The following PAX5 variants were observed in gnomAD, a reference collection of about 807,000 sequenced individuals.
The protein encoded by PAX5 is paired box 5.
A neutral mutation model predicts 43.7 loss-of-function variants in PAX5; 9 were observed. The ratio of observed to expected loss-of-function variants is 0.21; its 90% CI spans 0.12 to 0.36. The LOEUF is 0.36. Among genes scored for constraint, PAX5 ranks in the 10% least tolerant of loss-of-function variants. PAX5 has a pLI of 1.00. For synonymous variants in PAX5, 228 were observed against 214.3 expected (o/e 1.06, Z -0.56); for missense variants, 383 against 532.7 (o/e 0.72, Z 2.77).
intron 5 of PAX5, 44 bp from the exon 6 acceptor site, chr9:36,966,768 C>A (rs575051854): frequency 1.9e-6 from 3 of 1,573,964 alleles, no homozygotes; most frequent in African/African-American, 2.7e-5. Context: ...AGGTTATACA[C>A]GTTGCTAAAG....
intron 5 of PAX5, among the ~76,000 whole-genome samples, chr9:36,979,041 A>C (rs1288421555): frequency 6.6e-6 from 1 of 152,184 alleles, no homozygotes; most frequent in Non-Finnish European, 1.5e-5. Context: ...AGTTAATCTC[A>C]CTGTCCACTG....
In PAX5 at chr9:36,839,834, C is replaced by T. The variant is rs920666316; in HGVS notation, c.*726G>A. 5 of 233,584 alleles carry T rather than the reference C, an allele frequency of 2.1e-5. 1 individual carries two copies. Among genetic ancestry groups the T allele is most frequent in the South Asian group, 3.6e-4 (2 of 5,542 alleles). The allele number at this position is 233,584 out of a possible 1,614,324, so 14.5% of individuals were successfully genotyped here. A position where few individuals can be genotyped will look rare whatever the true frequency, so the allele number is the denominator to read the frequency against. On this transcript the variant is annotated 3_prime_UTR_variant, in exon 10 of 10. Coordinates refer to ENST00000358127, the MANE Select transcript of PAX5 (RefSeq NM_016734.3). ...TGGAAAAGAGCTGCTGATACTGCAT[C>T]GGTCCCAGAGAAATGGAGGCAGGAA...
At chr9:36,960,664 C>A (rs1238725953) in intron 6 of PAX5, among the ~76,000 whole-genome samples, 1 of 152,218 alleles carries the variant, frequency 6.6e-6, no homozygotes, top group Non-Finnish European at 1.5e-5. Context: ...ATCCCGGGCT[C>A]TGGGACACAC....
chr9:36,946,078 G>GAGTGCTCCGTCAGGATGC (rs1413887163), intron 6 of PAX5, among the ~76,000 whole-genome samples: 2 of 152,084 alleles, frequency 1.3e-5, no homozygotes, highest in African/African-American at 4.8e-5. Context: ...ACTCCCTGAG[G>GAGTGCTCCGTCAGGATGC]AGTGCTCCGT....
At chr9:36,903,411 A>AT (rs929012771) in intron 7 of PAX5, among the ~76,000 whole-genome samples, 12 of 152,162 alleles carry the variant, frequency 7.9e-5, no homozygotes, top group African/African-American at 2.7e-4. Context: ...TTATGCTTTT[A>AT]TTTTTTGCTT....
At position 36,839,713 on chromosome 9, in the gene PAX5, T is replaced by A. The variant is rs550676427; in HGVS notation, c.*847A>T. 2.1e-5 allele frequency: 5 copies of A among 233,304 alleles called. No homozygotes were observed. The East Asian group carries it at 3.0e-4, about 14-fold the overall frequency. 14.5% of individuals were successfully genotyped at this position (233,304 alleles called of 1,614,324 possible). ...CCTGCGTCCCATCCAGCCCTCACAT[T>A]CAAAGTCCACAATGTAATCAATACC... is the stretch of plus-strand genomic sequence containing the variant. On this transcript the variant is annotated 3_prime_UTR_variant, in exon 10 of 10. Coordinates refer to ENST00000358127, the MANE Select transcript of PAX5 (RefSeq NM_016734.3).
chr9:36,852,615 G>A (rs775964166), intron 8 of PAX5, among the ~76,000 whole-genome samples: 6 of 152,256 alleles, frequency 3.9e-5, no homozygotes, highest in Non-Finnish European at 5.9e-5. Flanking sequence ...AGCCCGGGCT[G>A]GGGCAGAAGG....
At position 36,902,664 on chromosome 9, in the gene PAX5, T is replaced by C. The variant is rs531481147; in HGVS notation, c.911-20559A>G. ...CATGGGAAGCCACACCCTGGCTCCA[T>C]GGCCTTAGGCTGGGTTTCACCAGGG... On this transcript the variant is annotated intron_variant, in intron 7 of 9. Transcript: ENST00000358127. Among the ~76,000 whole-genome samples the C allele has an allele frequency of 7.8e-4, 119 of 152,348 alleles. 1 individual carries two copies. Among genetic ancestry groups the C allele is most frequent in the African/African-American group, 2.9e-3 (119 of 41,594 alleles).
intron 7 of PAX5, among the ~76,000 whole-genome samples, chr9:36,894,204 G>A (rs1827660109): frequency 6.6e-6 from 1 of 152,114 alleles, no homozygotes; most frequent in African/African-American, 2.4e-5. Context: ...GAAACTTGGC[G>A]GCCACCCCAT....
intron 8 of PAX5, among the ~76,000 whole-genome samples, chr9:36,876,447 T>G (rs1825918525): frequency 6.6e-6 from 1 of 152,250 alleles, no homozygotes; most frequent in Non-Finnish European, 1.5e-5. Context: ...ATAGCAACCT[T>G]TTTTTCTCAG....
chr9:36,871,257 A>C (rs76529023), intron 8 of PAX5, among the ~76,000 whole-genome samples: 4,214 of 152,312 alleles, frequency 0.028, 95 homozygotes, highest in Non-Finnish European at 0.042. Flanking sequence ...GTCCTCGTCC[A>C]GTCCTCGGCG....
At chr9:36,989,750 G>A (rs1836769612) in intron 5 of PAX5, among the ~76,000 whole-genome samples, 1 of 152,324 alleles carries the variant, frequency 6.6e-6, no homozygotes, top group African/African-American at 2.4e-5. Context: ...AACGTTTGAC[G>A]TGCAAGGCTC....
chr9:36,898,934 C>T (rs1338761786), intron 7 of PAX5, among the ~76,000 whole-genome samples: 1 of 152,164 alleles, frequency 6.6e-6, no homozygotes, highest in African/African-American at 2.4e-5. Context: ...CACCGCAGCC[C>T]AGCTGAACCC....
At chr9:37,011,937 T>C (rs1332665234) in intron 3 of PAX5, among the ~76,000 whole-genome samples, 2 of 152,202 alleles carry the variant, frequency 1.3e-5, no homozygotes, top group African/African-American at 2.4e-5. Context: ...AGAAGCTGCA[T>C]TCATCTGAAT....
At chr9:36,979,130 G>T (rs1835699261) in intron 5 of PAX5, among the ~76,000 whole-genome samples, 1 of 152,142 alleles carries the variant, frequency 6.6e-6, no homozygotes, top group South Asian at 2.1e-4. Flanking sequence ...TCATTTCAGA[G>T]CTTGACCTGT....
intron 1 of PAX5, among the ~76,000 whole-genome samples, chr9:37,028,523 C>T (rs896392386): frequency 2.0e-5 from 3 of 152,206 alleles, no homozygotes; most frequent in Admixed American, 6.5e-5. Flanking sequence ...GGGGCTAAGG[C>T]TTTGGGCCAG....
intron 7 of PAX5, among the ~76,000 whole-genome samples, chr9:36,908,291 C>A (rs1200273788): frequency 6.6e-6 from 1 of 151,518 alleles, no homozygotes; most frequent in African/African-American, 2.4e-5. Context: ...CCTGGAGCAG[C>A]TTAGATGTTG....
At chr9:36,975,490 A>T (rs532014196) in intron 5 of PAX5, among the ~76,000 whole-genome samples, 1 of 150,630 alleles carries the variant, frequency 6.6e-6, no homozygotes, top group African/African-American at 2.4e-5. Context: ...GGTTCACGCC[A>T]TTCTCCTGCC....
intron 1 of PAX5, 151 bp downstream of exon 1, chr9:37,033,835 T>A (rs1009688225): frequency 1.5e-6 from 1 of 666,270 alleles, no homozygotes; most frequent in Non-Finnish European, 2.7e-6. Context: ...TGTGAACAGA[T>A]AGGTGAAAAA....
Sources: gnomAD v4.1 joint callset for allele counts (sites outside exome capture counted in the v4.1 genomes callset) on GRCh38, gnomAD v4.1.1 for gene constraint, MANE v1.5 for transcripts, NCBI Gene and HGNC (gene_info 2026-07-23, HGNC 2026-07-21) for gene names.